The following PRODH2 variants were observed in gnomAD, a reference collection of about 807,000 sequenced individuals.
The protein encoded by PRODH2 is proline dehydrogenase 2, also known as hydroxyproline dehydrogenase.
PRODH2 carries 49 observed loss-of-function variants against 51.9 expected under a neutral mutation model. The observed-to-expected ratio is 0.94, with a 90% CI of 0.75 to 1.20. The LOEUF is 1.20. PRODH2 is among the 50% of genes most tolerant of loss of function. PRODH2 has a pLI of 0.00. For synonymous variants in PRODH2, 249 were observed against 260.7 expected, an observed-to-expected ratio of 0.96 and a Z score of 0.43; for missense variants, 597 against 610.9, an observed-to-expected ratio of 0.98 and a Z score of 0.24.
At position 35,812,253 on chromosome 19, in the gene PRODH2, T is replaced by C. The variant is rs1972624334; in HGVS notation, c.391A>G (p.Asn131Asp). 1 of 1,613,556 alleles carries C rather than the reference T, an allele frequency of 6.2e-7. No individual in the cohort carries two copies. The highest frequency in any genetic ancestry group is 8.5e-7 in the Non-Finnish European group (1 of 1,179,970). Residue 131 changes from asparagine to aspartate, a missense_variant, in exon 3 of 10, where the codon AAC (asparagine) becomes GAC (aspartate). Physicochemically the swap from Asn to Asp is conservative, Grantham distance 23. Transcript: ENST00000653904. ...AKSGEAWYEG[N>D]LGAMLRCVDL... ...ACACACCGCAGCATAGCACCGAGGT[T>C]CCCCTCATACCACGCCTCACTGCCC...
intron 7 of PRODH2, among the ~76,000 whole-genome samples, chr19:35,804,725 C>A (rs1972484449): frequency 6.6e-6 from 1 of 152,218 alleles, no homozygotes. Context: ...CTGCTTCAGC[C>A]TAGGAGTTCA....
intron 7 of PRODH2, 68 bp from the exon 8 acceptor site, chr19:35,803,146 G>A: frequency 8.6e-7 from 1 of 1,165,054 alleles, no homozygotes; most frequent in Admixed American, 2.6e-5. Flanking sequence ...TGGGGTGGGT[G>A]GGGTGCTCCT....
At position 35,802,960 on chromosome 19, in the gene PRODH2, C is replaced by T. The variant is rs1210778759; in HGVS notation, c.1112+8G>A. The T allele has an allele frequency of 1.3e-6, 2 of 1,537,880 alleles. No individual in the cohort carries two copies. Among genetic ancestry groups the T allele is most frequent in the African/African-American group, 2.7e-5 (2 of 73,558 alleles). On this transcript the variant is annotated splice_region_variant and intron_variant, in intron 8 of 9. Coordinates refer to ENST00000653904, the MANE Select transcript of PRODH2 (RefSeq NM_021232.2). ...CACCTATTTCCCGCCCATCCCTCCA[C>T]CTCATACCGCTTGGTTGCCTGGCGA...
At position 35,802,233 on chromosome 19, in the gene PRODH2, C is replaced by T. The variant is rs768389788; in HGVS notation, c.1156G>A (p.Gly386Arg). The change falls in exon 9 of 10, where the codon GGA becomes AGA. Residue 386 changes from glycine to arginine, a missense_variant. By Grantham distance (125) the Gly-to-Arg change is moderately radical. Transcript: ENST00000653904. ...TGGTCACACATGCCCAGAAGTTGTC[C>T]GAAACAGACAGTCCCATCCAGAGGA... ...GIPLDGTVCFGQLLGMCDHVS... is the reference protein window; with the variant it reads ...GIPLDGTVCFRQLLGMCDHVS... 1.3e-5 allele frequency: 21 copies of T among 1,614,072 alleles called. No homozygotes were observed. In the East Asian group the frequency reaches 2.9e-4, roughly 22 times the overall value.
Position 35,800,047 on chromosome 19 carries a change from TATCCTTCGGC to T in PRODH2, c.1364_1373del (p.Cys455TyrfsTer?), listed in dbSNP as rs1972393001. On this transcript the variant is annotated frameshift_variant, in exon 10 of 10. Coordinates refer to ENST00000653904, the MANE Select transcript of PRODH2 (RefSeq NM_021232.2). LOFTEE classifies it high-confidence loss of function. ...GACCCCCTCAGGGGTGCTAGTGGGG[TATCCTTCGGC>T]ATCCTGGCAGCAGCCGCCGCCACAG... is the stretch of plus-strand genomic sequence containing the variant. 1 of 1,610,578 alleles carries T rather than the reference TATCCTTCGGC, an allele frequency of 6.2e-7. No homozygotes were observed. Among genetic ancestry groups the T allele is most frequent in the South Asian group, 1.1e-5 (1 of 90,518 alleles).
intron 9 of PRODH2, 170 bp downstream of exon 9, chr19:35,802,021 G>A: frequency 1.6e-6 from 1 of 643,734 alleles, no homozygotes; most frequent in South Asian, 1.9e-5. Context: ...CAGCAGAAAT[G>A]ACAGACGGCA....
chr19:35,809,972 A>AAAAAAAC (rs1972579779), intron 4 of PRODH2, among the ~76,000 whole-genome samples: 3 of 133,506 alleles, frequency 2.2e-5, no homozygotes, highest in Non-Finnish European at 4.8e-5. Context: ...AAAAAAAAAA[A>AAAAAAAC]AAAAAAAAAA....
intron 4 of PRODH2, among the ~76,000 whole-genome samples, chr19:35,811,266 C>G (rs572152183): frequency 6.6e-6 from 1 of 151,716 alleles, no homozygotes; most frequent in East Asian, 1.9e-4. Context: ...TTATACAAGA[C>G]GGCAGGCTGG....
chr19:35,806,390 T>C, intron 7 of PRODH2, 40 bp downstream of exon 7: 1 of 1,609,524 alleles, frequency 6.2e-7, no homozygotes, highest in East Asian at 2.2e-5. Context: ...AACCACTAGG[T>C]GTTATTATTT....
At position 35,806,546 on chromosome 19, in the gene PRODH2, G is replaced by A. The variant is rs150982003; in HGVS notation, c.885C>T (p.Gly295=). Residue 295 remains glycine, a synonymous_variant, in exon 7 of 10, where the codon GGC becomes GGT. Transcript: ENST00000653904. ...GTACCAGCTTCACTCCGAAGGCCAG[G>A]CCGGCCCTGTGCGCAGCCTCTGCAT... ...GRDAEAAHRA[G]LAFGVKLVRG... 1.4e-5 allele frequency: 22 copies of A among 1,614,010 alleles called. No homozygotes were observed. The highest frequency in any genetic ancestry group is 1.7e-5 in the Non-Finnish European group (20 of 1,180,028).
At chr19:35,804,228 C>T (rs556542432) in intron 7 of PRODH2, among the ~76,000 whole-genome samples, 2 of 152,294 alleles carry the variant, frequency 1.3e-5, no homozygotes, top group South Asian at 2.1e-4. Flanking sequence ...CACTCTGTTG[C>T]CCAGGTTGGA....
At position 35,800,227 on chromosome 19, in the gene PRODH2, A is replaced by G; in HGVS notation, c.1199-5T>C. Reference sequence around the variant, plus strand: ...ACACTACATAGCCGGCCTGCCCTGCAGGGAGAGTGGGTTTTGTTTTTTCGT... The same window carrying G: ...ACACTACATAGCCGGCCTGCCCTGCGGGGAGAGTGGGTTTTGTTTTTTCGT... On this transcript the variant is annotated splice_polypyrimidine_tract_variant and splice_region_variant and intron_variant, in intron 9 of 9. Coordinates refer to ENST00000653904, the MANE Select transcript of PRODH2 (RefSeq NM_021232.2). 1 of 1,549,114 alleles carries G rather than the reference A, an allele frequency of 6.5e-7. No individual in the cohort carries two copies. The highest frequency in any genetic ancestry group is 8.7e-7 in the Non-Finnish European group (1 of 1,145,846).
At chr19:35,806,300 T>A in intron 7 of PRODH2, 130 bp downstream of exon 7, 2 of 1,185,588 alleles carry the variant, frequency 1.7e-6, no homozygotes, top group Non-Finnish European at 2.4e-6. Context: ...CCCAGGCTGG[T>A]CTCCAACTCC....
At chr19:35,803,791 AG>A (rs1334505603) in intron 7 of PRODH2, among the ~76,000 whole-genome samples, 2 of 152,328 alleles carry the variant, frequency 1.3e-5, no homozygotes, top group East Asian at 1.9e-4. Flanking sequence ...TGTGGTACAG[AG>A]AAGATAGTGC....
intron 4 of PRODH2, among the ~76,000 whole-genome samples, chr19:35,808,110 G>A (rs772589879): frequency 6.6e-6 from 1 of 152,186 alleles, no homozygotes; most frequent in Non-Finnish European, 1.5e-5. Flanking sequence ...CTCGAGGTCA[G>A]GGATTTTGCC....
intron 5 of PRODH2, 68 bp from the exon 6 acceptor site, chr19:35,806,898 C>A: frequency 6.4e-7 from 1 of 1,551,156 alleles, no homozygotes; most frequent in Non-Finnish European, 8.7e-7. Flanking sequence ...CAGATCCCAG[C>A]AGGAGGGGTT....
intron 9 of PRODH2, chr19:35,801,915 G>T (rs1443371577): frequency 2.2e-6 from 1 of 448,362 alleles, no homozygotes; most frequent in Admixed American, 3.4e-5. Context: ...TTAGCACCTG[G>T]CAGAAGGAAA....
chr19:35,810,527 T>G (rs1972592417), intron 4 of PRODH2, among the ~76,000 whole-genome samples: 1 of 150,248 alleles, frequency 6.7e-6, no homozygotes, highest in South Asian at 2.1e-4. Flanking sequence ...AGAAGAATTT[T>G]TTTTTTTTTT....
In PRODH2 at chr19:35,811,624, A is replaced by C. The variant is rs185040363; in HGVS notation, c.597+338T>G. Among the ~76,000 whole-genome samples, 974 of 152,310 alleles carry C rather than the reference A, an allele frequency of 6.4e-3. 10 individuals are homozygous for C. Among genetic ancestry groups the C allele is most frequent in the African/African-American group, 0.022 (924 of 41,556 alleles). On this transcript the variant is annotated intron_variant, in intron 4 of 9. Transcript: ENST00000653904. The stretch of plus-strand genomic sequence containing the variant: ...AAAAGGAATTAATGATTGAATGAAC[A>C]AACTAAGACCCCATTGGCCTAATCA...
Sources: allele counts gnomAD v4.1 joint callset (sites outside exome capture counted in the v4.1 genomes callset), GRCh38; gene constraint gnomAD v4.1.1; transcripts MANE v1.5; gene names NCBI Gene and HGNC (gene_info 2026-07-23, HGNC 2026-07-21).